Variants in CPAP observed in about 807,000 individuals in gnomAD.
The protein encoded by CPAP is centrosomal P4.1-associated protein.
the CPAP span, among the ~76,000 whole-genome samples, chr13:24,915,965 CA>C: frequency 6.6e-6 from 1 of 152,116 alleles, no homozygotes; most frequent in African/African-American, 2.4e-5. Flanking sequence ...TTTGGCAAAG[CA>C]AAGGTCATGA....
the CPAP span, chr13:24,905,599 A>G: frequency 6.2e-7 from 1 of 1,614,212 alleles, no homozygotes; most frequent in Admixed American, 1.7e-5. Context: ...ATTCATTCCC[A>G]AGAACAACAT....
chr13:24,903,779 A>G, the CPAP span: 1 of 912,428 alleles, frequency 1.1e-6, no homozygotes, highest in Non-Finnish European at 1.8e-6. Context: ...TTTATTCAGT[A>G]AAAAAAACTT....
chr13:24,914,587 G>C, the CPAP span, among the ~76,000 whole-genome samples: 29 of 152,120 alleles, frequency 1.9e-4, no homozygotes, highest in East Asian at 5.8e-4. Context: ...ACTGAGCCTG[G>C]AGACAAAACA....
At chr13:24,896,294 C>T in the CPAP span, among the ~76,000 whole-genome samples, 30 of 152,148 alleles carry the variant, frequency 2.0e-4, no homozygotes, top group Admixed American at 2.6e-4. Flanking sequence ...TGAAGAGGGA[C>T]GGCAACTCAC....
chr13:24,883,040 G>C, the CPAP span: 3 of 740,396 alleles, frequency 4.1e-6, no homozygotes, highest in East Asian at 7.7e-5. Context: ...AAATGAAGAT[G>C]CCACAGGGTA....
At chr13:24,917,569 T>C in the CPAP span, among the ~76,000 whole-genome samples, 4 of 152,348 alleles carry the variant, frequency 2.6e-5, no homozygotes, top group Admixed American at 2.0e-4. Flanking sequence ...TCAGTGTCAA[T>C]GGACTGATTC....
At chr13:24,933,532 G>C in the CPAP span, 1 of 169,708 alleles carries the variant, frequency 5.9e-6, no homozygotes, top group South Asian at 1.6e-4. Context: ...TGGTAAGCCA[G>C]GTTCCTGGGG....
the CPAP span, among the ~76,000 whole-genome samples, chr13:24,923,549 A>G: frequency 6.6e-6 from 1 of 152,192 alleles, no homozygotes; most frequent in South Asian, 2.1e-4. Flanking sequence ...TTTAACTGCC[A>G]CGGCCCTTTA....
chr13:24,888,253 A>G, the CPAP span, among the ~76,000 whole-genome samples: 1 of 151,890 alleles, frequency 6.6e-6, no homozygotes, highest in Non-Finnish European at 1.5e-5. Context: ...AAGGAAAAAC[A>G]TACATTAAAA....
the CPAP span, among the ~76,000 whole-genome samples, chr13:24,919,634 G>C: frequency 6.6e-6 from 1 of 152,148 alleles, no homozygotes; most frequent in Non-Finnish European, 1.5e-5. Context: ...TGCCCATGCT[G>C]GTCTCAAACT....
the CPAP span, among the ~76,000 whole-genome samples, chr13:24,887,520 C>T: frequency 3.9e-5 from 6 of 152,200 alleles, no homozygotes; most frequent in African/African-American, 7.2e-5. Context: ...CCAGGTTGCA[C>T]GCTCCTTAGA....
the CPAP span, among the ~76,000 whole-genome samples, chr13:24,896,207 T>C: frequency 0.011 from 1,641 of 152,294 alleles, 32 homozygotes; most frequent in African/African-American, 0.038. Context: ...GATAACCAAG[T>C]ACGAACAGGG....
chr13:24,912,129 G>T, the CPAP span: 7,351 of 1,507,252 alleles, frequency 4.9e-3, 257 homozygotes, highest in East Asian at 0.1. Context: ...TGGACACCTC[G>T]TTCCCTTAAT....
chr13:24,884,604 G>T, the CPAP span: 2 of 808,102 alleles, frequency 2.5e-6, no homozygotes, highest in Non-Finnish European at 2.1e-6. Context: ...TTCGTGAGGA[G>T]TAGCAAACTC....
chr13:24,892,936 A>G, the CPAP span: 1 of 1,109,278 alleles, frequency 9.0e-7, no homozygotes, highest in Non-Finnish European at 1.4e-6. Context: ...ATAGAAGAAT[A>G]GAGACCCAGC....
At chr13:24,892,891 GAAAA>G in the CPAP span, 1 of 1,376,304 alleles carries the variant, frequency 7.3e-7, no homozygotes, top group Non-Finnish European at 1.0e-6. Flanking sequence ...AAAACAAAAA[GAAAA>G]AACCATTACT....
chr13:24,908,325 G>A, the CPAP span, among the ~76,000 whole-genome samples: 3 of 151,580 alleles, frequency 2.0e-5, no homozygotes, highest in African/African-American at 7.3e-5. Flanking sequence ...GAGGCCGGGT[G>A]TGGTGGCTCA....
the CPAP span, chr13:24,905,742 C>A: frequency 2.5e-6 from 4 of 1,614,150 alleles, no homozygotes; most frequent in Non-Finnish European, 3.4e-6. Flanking sequence ...ATAGACTCAT[C>A]GCTACTGTAA....
At chr13:24,929,186 C>T in the CPAP span, among the ~76,000 whole-genome samples, 4 of 152,148 alleles carry the variant, frequency 2.6e-5, no homozygotes, top group Non-Finnish European at 5.9e-5. Context: ...GCCTCAGCCT[C>T]CCAGGAAGCT....
Sources: allele counts gnomAD v4.1 joint callset (sites outside exome capture counted in the v4.1 genomes callset), GRCh38; gene constraint gnomAD v4.1.1; transcripts MANE v1.5; gene names NCBI Gene and HGNC (gene_info 2026-07-23, HGNC 2026-07-21).